The following SRGAP1 variants were observed in gnomAD, a reference collection of about 807,000 sequenced individuals.
SRGAP1 encodes SLIT-ROBO Rho GTPase-activating protein 1.
Under a neutral mutation model 121.9 loss-of-function variants are expected in SRGAP1, and 43 were observed. The observed-to-expected ratio is 0.35, with a 90% confidence interval of 0.28 to 0.46. The LOEUF is 0.46. SRGAP1 is among the 20% of genes least tolerant of loss of function. The pLI, the probability that SRGAP1 is intolerant of heterozygous loss-of-function variation, is 1.00. For synonymous variants in SRGAP1, 447 were observed against 485.4 expected, an observed-to-expected ratio of 0.92 and a Z score of 1.04; for missense variants, 1,102 against 1,350.9, an observed-to-expected ratio of 0.82 and a Z score of 2.89.
intron 10 of SRGAP1, among the ~76,000 whole-genome samples, chr12:64,082,217 A>T (rs2136567812): frequency 6.6e-6 from 1 of 152,040 alleles, no homozygotes; most frequent in African/African-American, 2.4e-5. Context: ...CTGCTTGCAG[A>T]CACATGTGTT....
chr12:64,157,460 T>C lies in SRGAP1; in HGVS notation c.*14788T>C, dbSNP rs769849900. The stretch of plus-strand genomic sequence containing the variant: ...ACTGGAAATGGGATAGAATATCGTA[T>C]AGCTATGAGAATTGCAAATAAGTAA... On this transcript the variant is annotated 3_prime_UTR_variant, in exon 22 of 22. Transcript: ENST00000355086. 6.6e-6 allele frequency: 1 copy of C among 152,016 alleles called. No homozygotes were observed. The highest frequency in any genetic ancestry group is 1.5e-5 in the Non-Finnish European group (1 of 68,004). The allele number at this position is 152,016 out of a possible 1,614,324, so 9.4% of individuals were successfully genotyped here. A position where few individuals can be genotyped will look rare whatever the true frequency, so the allele number is the denominator to read the frequency against.
chr12:63,970,468 T>C (rs934201612), intron 1 of SRGAP1, among the ~76,000 whole-genome samples: 1 of 152,210 alleles, frequency 6.6e-6, no homozygotes, highest in African/African-American at 2.4e-5. Context: ...ATGTTAACAT[T>C]TTCATCATAG....
At chr12:63,992,709 ACACACACG>A (rs1350698545) in intron 3 of SRGAP1, among the ~76,000 whole-genome samples, 1 of 143,944 alleles carries the variant, frequency 6.9e-6, no homozygotes, top group Admixed American at 7.0e-5. Context: ...ACACACACAC[ACACACACG>A]TGCAGAGAGA....
rs1475426920 is a variant in SRGAP1, at chr12:64,160,551, T to C, written c.*17879T>C. ...AATCAAAAGGCAAATATATCTCATA[T>C]GTCGGAAGATTAATGTATGAATAAT... On this transcript the variant is annotated 3_prime_UTR_variant, in exon 22 of 22. Coordinates refer to ENST00000355086, the MANE Select transcript of SRGAP1 (RefSeq NM_020762.4). 6.6e-6 allele frequency: 1 copy of C among 152,208 alleles called. No homozygotes were observed. Among genetic ancestry groups the C allele is most frequent in the Non-Finnish European group, 1.5e-5 (1 of 68,036 alleles). The allele number at this position is 152,208 out of a possible 1,614,324, so 9.4% of individuals were successfully genotyped here.
chr12:63,879,864 C>T (rs971423850), intron 1 of SRGAP1, among the ~76,000 whole-genome samples: 1 of 152,134 alleles, frequency 6.6e-6, no homozygotes, highest in South Asian at 2.1e-4. Flanking sequence ...CTGGAGATCT[C>T]ATAGGGGAAT....
chr12:63,878,189 G>A, intron 1 of SRGAP1, among the ~76,000 whole-genome samples: 1 of 152,148 alleles, frequency 6.6e-6, no homozygotes, highest in East Asian at 1.9e-4. Context: ...CTGTACTGCT[G>A]CCTGCTTTAT....
intron 21 of SRGAP1, among the ~76,000 whole-genome samples, chr12:64,140,275 G>A (rs1343574984): frequency 6.8e-6 from 1 of 147,582 alleles, no homozygotes; most frequent in East Asian, 2.0e-4. Context: ...CCAATTCTGT[G>A]AAGAAAGTCA....
intron 18 of SRGAP1, among the ~76,000 whole-genome samples, chr12:64,125,548 T>A (rs186110205): frequency 4.5e-4 from 68 of 152,334 alleles, no homozygotes; most frequent in African/African-American, 1.6e-3. Context: ...TGGTGATTTT[T>A]TTCCATGTTA....
At position 64,150,239 on chromosome 12, in the gene SRGAP1, T is replaced by C. The variant is rs184996965; in HGVS notation, c.*7567T>C. 106 of 152,226 alleles carry C rather than the reference T, an allele frequency of 7.0e-4. No homozygotes were observed. Among genetic ancestry groups the C allele is most frequent in the African/African-American group, 2.5e-3 (102 of 41,526 alleles). 9.4% of individuals were successfully genotyped at this position (152,226 alleles called of 1,614,324 possible). On this transcript the variant is annotated 3_prime_UTR_variant, in exon 22 of 22. Transcript: ENST00000355086. ...CATGCCTTGTTCAGTATTAACATCTTGAAGGCAGTTATGGCAGCATGATCC... is the reference window on the plus strand; with the variant it reads ...CATGCCTTGTTCAGTATTAACATCTCGAAGGCAGTTATGGCAGCATGATCC...
chr12:63,969,076 C>T (rs1279717055), intron 1 of SRGAP1, among the ~76,000 whole-genome samples: 1 of 152,180 alleles, frequency 6.6e-6, no homozygotes, highest in Non-Finnish European at 1.5e-5. Context: ...TACTCGTTTT[C>T]ACAGAGAAGG....
chr12:63,996,522 A>T (rs962335154), intron 3 of SRGAP1, among the ~76,000 whole-genome samples: 1 of 152,126 alleles, frequency 6.6e-6, no homozygotes, highest in African/African-American at 2.4e-5. Context: ...CTTGAATTAA[A>T]TTCTTACTGT....
At chr12:63,882,024 A>G (rs1262646591) in intron 1 of SRGAP1, among the ~76,000 whole-genome samples, 1 of 152,220 alleles carries the variant, frequency 6.6e-6, no homozygotes, top group Non-Finnish European at 1.5e-5. Context: ...AAATTAGAAT[A>G]TAGAGTTTGT....
At chr12:63,926,151 T>C (rs1291258365) in intron 1 of SRGAP1, among the ~76,000 whole-genome samples, 1 of 152,220 alleles carries the variant, frequency 6.6e-6, no homozygotes, top group Non-Finnish European at 1.5e-5. Context: ...GTTTAAGCAC[T>C]CTGATTCTTT....
chr12:64,088,048 C>A (rs916112619), intron 11 of SRGAP1, among the ~76,000 whole-genome samples: 5 of 152,184 alleles, frequency 3.3e-5, no homozygotes, highest in Admixed American at 6.5e-5. Flanking sequence ...AAATTGAGTT[C>A]TCTTTGAAAT....
intron 14 of SRGAP1, 27 bp from the exon 15 acceptor site, chr12:64,097,214 T>C (rs1244034523): frequency 1.9e-6 from 3 of 1,565,860 alleles, no homozygotes; most frequent in Middle Eastern, 1.7e-4. Flanking sequence ...GCACTGTTAA[T>C]GTAATGAGTT....
intron 1 of SRGAP1, among the ~76,000 whole-genome samples, chr12:63,873,448 G>T (rs527839547): frequency 1.2e-4 from 18 of 150,488 alleles, no homozygotes; most frequent in Non-Finnish European, 1.9e-4. Flanking sequence ...CAGGAGAATC[G>T]CTTGAACCCA....
At chr12:63,971,508 T>A (rs2032946676) in intron 1 of SRGAP1, among the ~76,000 whole-genome samples, 2 of 152,196 alleles carry the variant, frequency 1.3e-5, no homozygotes, top group South Asian at 4.1e-4. Flanking sequence ...ATTATGCAGG[T>A]AAAAGCTGGA....
In SRGAP1 at chr12:64,042,776, T is replaced by A; in HGVS notation, c.490-14T>A. 1 of 1,608,418 alleles carries A rather than the reference T, an allele frequency of 6.2e-7. No individual in the cohort carries two copies. Among genetic ancestry groups the A allele is most frequent in the African/African-American group, 1.3e-5 (1 of 74,866 alleles). The stretch of plus-strand genomic sequence containing the variant: ...GACAGACATCTTGTAACAATTTGGG[T>A]CACTTTTCCACAGGTGATGAAAACA... On this transcript the variant is annotated splice_polypyrimidine_tract_variant and intron_variant, in intron 4 of 21. Coordinates refer to ENST00000355086, the MANE Select transcript of SRGAP1 (RefSeq NM_020762.4).
At position 63,984,097 on chromosome 12, in the gene SRGAP1, G is replaced by A. The variant is rs776408515; in HGVS notation, c.218G>A (p.Arg73Lys). Residue 73 changes from arginine (R) to lysine (K), a missense_variant, in exon 2 of 22, where the codon AGG becomes AAG. Arg to Lys is a conservative substitution (Grantham distance 26). Around this residue, in one of 3 missense-constraint regions of SRGAP1, gnomAD observed 747 missense variants for 929.4 expected, o/e 0.80. Coordinates refer to ENST00000355086, the MANE Select transcript of SRGAP1 (RefSeq NM_020762.4). ...CGGAATCTAGAGAAGTTAGCAGAAA[G>A]GTTCATGGCAAAAACAAGAAGCACT... is the stretch of plus-strand genomic sequence containing the variant. ...YSRNLEKLAERFMAKTRSTKD... is the reference protein window; with the variant it reads ...YSRNLEKLAEKFMAKTRSTKD... The A allele has an allele frequency of 1.3e-6, 2 of 1,525,890 alleles. No individual in the cohort carries two copies. Among genetic ancestry groups the A allele is most frequent in the South Asian group, 1.3e-5 (1 of 77,574 alleles). The allele number at this position is 1,525,890 out of a possible 1,614,324, so 94.5% of individuals were successfully genotyped here. A position where few individuals can be genotyped will look rare whatever the true frequency, so the allele number is the denominator to read the frequency against.
Sources: allele counts gnomAD v4.1 joint callset (sites outside exome capture counted in the v4.1 genomes callset), GRCh38; gene constraint gnomAD v4.1.1; regional missense constraint gnomAD v4.1.1; transcripts MANE v1.5; gene names NCBI Gene and HGNC (gene_info 2026-07-23, HGNC 2026-07-21).